The following TEX2 variants were observed in gnomAD, a reference collection of about 807,000 sequenced individuals.
TEX2 encodes testis-expressed protein 2.
Under a neutral mutation model 106.9 loss-of-function variants are expected in TEX2, and 53 were observed. The observed-to-expected ratio is 0.50, with a 90% CI of 0.40 to 0.62. The LOEUF (loss-of-function observed/expected upper bound fraction) is 0.62, where lower values mean the gene tolerates loss of function less well. Among genes scored for constraint, TEX2 ranks in the 20% least tolerant of loss-of-function variants. TEX2 has a pLI of 0.00. For missense variants in TEX2, 1,207 were observed against 1,379.0 expected (o/e 0.88, Z 1.98); for synonymous variants, 523 against 534.8 (o/e 0.98, Z 0.30).
chr17:64,226,787 A>C (rs2033516990), intron 1 of TEX2, among the ~76,000 whole-genome samples: 1 of 152,216 alleles, frequency 6.6e-6, no homozygotes, highest in Non-Finnish European at 1.5e-5. Flanking sequence ...ATTAGCAAAA[A>C]CTTTGCTGAA....
intron 10 of TEX2, among the ~76,000 whole-genome samples, chr17:64,152,525 G>T (rs2030407456): frequency 6.6e-6 from 1 of 152,042 alleles, no homozygotes; most frequent in African/African-American, 2.4e-5. Flanking sequence ...TTTAAAGTAG[G>T]GATAACAATG....
chr17:64,216,659 C>A (rs1393605544), intron 1 of TEX2, among the ~76,000 whole-genome samples: 1 of 152,214 alleles, frequency 6.6e-6, no homozygotes, highest in Admixed American at 6.5e-5. Flanking sequence ...AACAGCAATG[C>A]GTTCAGAAGC....
Position 64,213,352 on chromosome 17 carries a change from T to C in TEX2, c.866A>G (p.Asp289Gly), listed in dbSNP as rs781954925. 6.8e-6 allele frequency: 11 copies of C among 1,614,026 alleles called. No individual in the cohort carries two copies. In the South Asian group the frequency reaches 1.2e-4, roughly 18 times the overall value. The change falls in exon 2 of 12, where the codon GAT (aspartate) becomes GGT (glycine). Residue 289 changes from aspartate to glycine, a missense_variant. By Grantham distance (94) the Asp-to-Gly change is moderately conservative (BLOSUM62 -1). This residue lies in a region of TEX2 where 1,067 missense variants were observed against 1,193.6 expected (regional missense o/e 0.89). Coordinates refer to ENST00000584379, the MANE Select transcript of TEX2 (RefSeq NM_001288732.2). This position sits in a 1 kb window ranked among gnomAD's most constrained non-coding sequence, Gnocchi z 4.4. ...GACTTCTGAAAGGCGTCGTTTAGTA[T>C]CTTCAATTTTAGCCTCCATTTCGGG... ...KVPEMEAKIE[D>G]TKRRLSEVIY...
chr17:64,204,034 T>C (rs2032754380), intron 2 of TEX2, among the ~76,000 whole-genome samples: 1 of 152,242 alleles, frequency 6.6e-6, no homozygotes, highest in Non-Finnish European at 1.5e-5. Flanking sequence ...GATGAACCAC[T>C]GAAATGACCA....
chr17:64,181,479 A>T (rs1366063899), intron 5 of TEX2, among the ~76,000 whole-genome samples: 13 of 127,376 alleles, frequency 1.0e-4, no homozygotes, highest in South Asian at 2.4e-4. Flanking sequence ...TCTCAAAAAA[A>T]AAAAAAAAAA....
At chr17:64,258,742 C>T (rs1567973694) in intron 1 of TEX2, among the ~76,000 whole-genome samples, 1 of 148,112 alleles carries the variant, frequency 6.8e-6, no homozygotes, top group Non-Finnish European at 1.5e-5. Context: ...AAGAAATCAA[C>T]TCTTCATTTT....
chr17:64,229,709 G>C (rs1216222412), intron 1 of TEX2, among the ~76,000 whole-genome samples: 1 of 152,022 alleles, frequency 6.6e-6, no homozygotes, highest in African/African-American at 2.4e-5. Context: ...CCTATACAAG[G>C]ATCTAAATTT....
chr17:64,243,513 T>C (rs782704956), intron 1 of TEX2, among the ~76,000 whole-genome samples: 1 of 152,178 alleles, frequency 6.6e-6, no homozygotes, highest in Non-Finnish European at 1.5e-5. Flanking sequence ...TGTCAGGCTG[T>C]ACAAGTCTCA....
intron 1 of TEX2, among the ~76,000 whole-genome samples, chr17:64,252,461 A>C (rs782318738): frequency 1.3e-5 from 2 of 152,100 alleles, no homozygotes; most frequent in Non-Finnish European, 2.9e-5. Context: ...GGTGCACACC[A>C]CCATGCCTAA....
In TEX2 at chr17:64,219,508, C is replaced by CAAATAAAATAAAATAAAATAAAATA. The variant is rs3071506; in HGVS notation, c.-25-5291_-25-5267dup. On this transcript the variant is annotated intron_variant, in intron 1 of 11. Coordinates refer to ENST00000584379, the MANE Select transcript of TEX2 (RefSeq NM_001288732.2). ...GCAACAGAGTGAGACTCCATCTCAT[C>CAAATAAAATAAAATAAAATAAAATA]AAATAAAATAAAATAAAATAAAATA... is the stretch of plus-strand genomic sequence containing the variant. 9.9e-4 allele frequency among the ~76,000 whole-genome samples: 133 copies of CAAATAAAATAAAATAAAATAAAATA among 134,922 alleles called. 1 individual carries two copies. The highest frequency in any genetic ancestry group is 3.6e-3 in the African/African-American group (130 of 36,332). The allele number at this position is 134,922 out of a possible 152,430, so 88.5% of individuals were successfully genotyped here. A position where few individuals can be genotyped will look rare whatever the true frequency, so the allele number is the denominator to read the frequency against.
rs547550294 is a variant in TEX2, at chr17:64,149,518, G to A, written c.3262-427C>T. ...CTAATGGCCAGGTGCGATGGTTCACGCCTGTAATCCCAGTACTTTGGGAGG... is the reference window on the plus strand; with the variant it reads ...CTAATGGCCAGGTGCGATGGTTCACACCTGTAATCCCAGTACTTTGGGAGG... On this transcript the variant is annotated intron_variant, in intron 11 of 11. Transcript: ENST00000584379. 1.8e-4 allele frequency: 29 copies of A among 157,118 alleles called. No homozygotes were observed. In the South Asian group the frequency reaches 3.8e-3, roughly 21 times the overall value. 9.7% of individuals were successfully genotyped at this position (157,118 alleles called of 1,614,324 possible). A position where few individuals can be genotyped will look rare whatever the true frequency, so the allele number is the denominator to read the frequency against.
chr17:64,165,040 T>G (rs1173102743), intron 7 of TEX2, among the ~76,000 whole-genome samples: 2 of 152,224 alleles, frequency 1.3e-5, no homozygotes, highest in African/African-American at 4.8e-5. Flanking sequence ...CTCACGTTAT[T>G]TTCTCCTCCA....
chr17:64,262,178 C>T (rs2034299116), intron 1 of TEX2, among the ~76,000 whole-genome samples: 1 of 152,198 alleles, frequency 6.6e-6, no homozygotes, highest in Non-Finnish European at 1.5e-5. Flanking sequence ...GAACGTGGCA[C>T]GAGCCCTGCC....
intron 1 of TEX2, among the ~76,000 whole-genome samples, chr17:64,215,566 A>G (rs2033159568): frequency 6.6e-6 from 1 of 152,180 alleles, no homozygotes. Context: ...GGCCCAGGAC[A>G]TAGGGCTTCT....
intron 6 of TEX2, 79 bp downstream of exon 6, chr17:64,177,246 A>G (rs941571269): frequency 4.1e-5 from 64 of 1,550,744 alleles, no homozygotes; most frequent in Non-Finnish European, 5.1e-5. Flanking sequence ...ATTATTTTTC[A>G]CTTAGGACAT....
At chr17:64,191,817 C>CAAAAAAAAAA (rs58376086) in intron 4 of TEX2, among the ~76,000 whole-genome samples, 2 of 119,916 alleles carry the variant, frequency 1.7e-5, no homozygotes, top group African/African-American at 3.7e-5. Context: ...GACTCCATCT[C>CAAAAAAAAAA]AAAAAAAAAA....
At chr17:64,247,453 T>C (rs2034010995) in intron 1 of TEX2, among the ~76,000 whole-genome samples, 1 of 152,112 alleles carries the variant, frequency 6.6e-6, no homozygotes, top group South Asian at 2.1e-4. Context: ...GACACCTGGC[T>C]AGGATGACGT....
At chr17:64,215,696 G>A (rs1241169854) in intron 1 of TEX2, among the ~76,000 whole-genome samples, 12 of 152,268 alleles carry the variant, frequency 7.9e-5, no homozygotes, top group African/African-American at 2.9e-4. Context: ...AATTTAAAAC[G>A]CTACACGTTT....
chr17:64,199,934 T>C (rs1388717385), intron 2 of TEX2, among the ~76,000 whole-genome samples: 1 of 152,242 alleles, frequency 6.6e-6, no homozygotes, highest in African/African-American at 2.4e-5. Flanking sequence ...TCAGTCTTAG[T>C]GATAAGAGAC....
Sources: allele counts gnomAD v4.1 joint callset (sites outside exome capture counted in the v4.1 genomes callset), GRCh38; gene constraint gnomAD v4.1.1; regional missense constraint gnomAD v4.1.1; non-coding constraint Gnocchi (gnomAD v3.1); transcripts MANE v1.5; gene names NCBI Gene and HGNC (gene_info 2026-07-23, HGNC 2026-07-21).